Variants in ZFP14 observed in about 807,000 individuals in gnomAD.
ZFP14 encodes ZFP14 zinc finger protein.
ZFP14 carries 22 observed loss-of-function variants against 54.5 expected under a neutral mutation model. The observed-to-expected ratio is 0.40, with a 90% CI of 0.29 to 0.58. The LOEUF is 0.58. Ranked by LOEUF, ZFP14 falls within the 20% of genes least tolerant of loss-of-function variation. The pLI is 0.39. For synonymous variants in ZFP14, 159 were observed against 204.0 expected (o/e 0.78, Z 1.88); for missense variants, 470 against 637.8 (o/e 0.74, Z 2.83).
intron 4 of ZFP14, among the ~76,000 whole-genome samples, chr19:36,347,408 G>C (rs549078316): frequency 1.3e-3 from 198 of 152,012 alleles, no homozygotes; most frequent in Non-Finnish European, 2.2e-3. Context: ...TCAGGAGTTC[G>C]AGACCAGCCT....
At chr19:36,342,428 C>G (rs1249117399) in intron 4 of ZFP14, among the ~76,000 whole-genome samples, 2 of 151,992 alleles carry the variant, frequency 1.3e-5, no homozygotes, top group Non-Finnish European at 2.9e-5. Context: ...CTCAGGTGAT[C>G]CGCCCGCCTC....
intron 1 of ZFP14, among the ~76,000 whole-genome samples, chr19:36,376,927 C>T (rs964281894): frequency 6.6e-6 from 1 of 152,142 alleles, no homozygotes; most frequent in Admixed American, 6.5e-5. Flanking sequence ...TACTTTAGCT[C>T]CATAACCCAT....
At chr19:36,343,489 TC>T (rs1293317603) in intron 4 of ZFP14, among the ~76,000 whole-genome samples, 1 of 152,204 alleles carries the variant, frequency 6.6e-6, no homozygotes, top group Non-Finnish European at 1.5e-5. Flanking sequence ...GTTTTCATTC[TC>T]AGCCTCAAAT....
chr19:36,364,153 A>G (rs1333148062), intron 2 of ZFP14, among the ~76,000 whole-genome samples: 1 of 152,088 alleles, frequency 6.6e-6, no homozygotes, highest in Non-Finnish European at 1.5e-5. Context: ...ATCACATCCT[A>G]TTCACCCTGT....
intron 1 of ZFP14, among the ~76,000 whole-genome samples, chr19:36,372,120 G>A (rs2031889366): frequency 6.6e-6 from 1 of 150,564 alleles, no homozygotes. Flanking sequence ...AGGAAGAAAG[G>A]AAGGAAGGAA....
At chr19:36,344,902 C>T (rs865929399) in intron 4 of ZFP14, among the ~76,000 whole-genome samples, 3 of 152,164 alleles carry the variant, frequency 2.0e-5, no homozygotes, top group Non-Finnish European at 4.4e-5. Context: ...CTACTTTATA[C>T]CATATTATAA....
chr19:36,366,311 A>C (rs2031794327), intron 2 of ZFP14, among the ~76,000 whole-genome samples: 1 of 151,934 alleles, frequency 6.6e-6, no homozygotes, highest in Non-Finnish European at 1.5e-5. Context: ...CACTTGAACA[A>C]AGTTCTTGTT....
chr19:36,373,782 G>A lies in ZFP14; in HGVS notation c.-80+5381C>T, dbSNP rs538631558. 1.7e-4 allele frequency among the ~76,000 whole-genome samples: 26 copies of A among 151,336 alleles called. No homozygotes were observed. The South Asian group carries it at 2.5e-3, about 15-fold the overall frequency. On this transcript the variant is annotated intron_variant, in intron 1 of 4. Transcript: ENST00000270001. ...TTAAAAATTAGCCGGGCATGGTAGC[G>A]TGCACCTGTAGTCTCAGCTACCAGG...
Position 36,368,058 on chromosome 19 carries a change from CT to C in ZFP14, c.-79-88del, listed in dbSNP as rs1249576158. 9 of 690,368 alleles carry C rather than the reference CT, an allele frequency of 1.3e-5. No homozygotes were observed. The African/African-American group carries it at 1.6e-4, about 12-fold the overall frequency. 42.8% of individuals were successfully genotyped at this position (690,368 alleles called of 1,614,324 possible). A position where few individuals can be genotyped will look rare whatever the true frequency, so the allele number is the denominator to read the frequency against. ...ATCATAAATATGAAAACTTTTTTCT[CT>C]TCCATTCCTTCTCCCAAACTACTTC... On this transcript the variant is annotated intron_variant, in intron 1 of 4. Coordinates refer to ENST00000270001, the MANE Select transcript of ZFP14 (RefSeq NM_020917.3).
rs2031217657 is a variant in ZFP14 at position 36,337,121 on chromosome 19, C to G, written c.*3103G>C. On this transcript the variant is annotated 3_prime_UTR_variant, in exon 5 of 5. Coordinates refer to ENST00000270001, the MANE Select transcript of ZFP14 (RefSeq NM_020917.3). The stretch of plus-strand genomic sequence containing the variant: ...ATATTTAGTCCATGTCCACACTTCC[C>G]TCACTGTCTCCAAAATGGCTTTTTA... 1 of 152,132 alleles carries G rather than the reference C, an allele frequency of 6.6e-6. No homozygotes were observed. The highest frequency in any genetic ancestry group is 1.5e-5 in the Non-Finnish European group (1 of 68,032). The allele number at this position is 152,132 out of a possible 1,614,324, so 9.4% of individuals were successfully genotyped here. A position where few individuals can be genotyped will look rare whatever the true frequency, so the allele number is the denominator to read the frequency against.
At chr19:36,356,713 CATAA>C (rs1290289056) in intron 4 of ZFP14, among the ~76,000 whole-genome samples, 3 of 150,676 alleles carry the variant, frequency 2.0e-5, no homozygotes, top group Admixed American at 1.3e-4. Flanking sequence ...GCAAATATTA[CATAA>C]ATAAAGTCAT....
At chr19:36,352,311 AAATGT>A (rs2031541336) in intron 4 of ZFP14, among the ~76,000 whole-genome samples, 1 of 143,854 alleles carries the variant, frequency 7.0e-6, no homozygotes, top group Admixed American at 7.1e-5. Context: ...GAAGAAAAAT[AAATGT>A]ATGTATAATG....
At chr19:36,368,487 T>C (rs537359406) in intron 1 of ZFP14, among the ~76,000 whole-genome samples, 1 of 151,970 alleles carries the variant, frequency 6.6e-6, no homozygotes, top group African/African-American at 2.4e-5. Context: ...TCTGAAGAAA[T>C]AGGTGACAAA....
rs1391086400 is a variant in ZFP14 at position 36,355,879 on chromosome 19, G to A, written c.235+4556C>T. On this transcript the variant is annotated intron_variant, in intron 4 of 4. Coordinates refer to ENST00000270001, the MANE Select transcript of ZFP14 (RefSeq NM_020917.3). ...TGGTGTTTAAGCCACCCAGACTATG[G>A]TATTCTGTTACAGCAGCTTAAGATG... 1.4e-5 allele frequency among the ~76,000 whole-genome samples: 2 copies of A among 141,730 alleles called. 1 individual carries two copies. Among genetic ancestry groups the A allele is most frequent in the East Asian group, 4.2e-4 (2 of 4,790 alleles). 93.0% of individuals were successfully genotyped at this position (141,730 alleles called of 152,430 possible).
intron 2 of ZFP14, among the ~76,000 whole-genome samples, chr19:36,367,661 A>G (rs1034068297): frequency 4.6e-5 from 7 of 152,060 alleles, no homozygotes; most frequent in Admixed American, 6.6e-5. Flanking sequence ...ACAGGGTTTC[A>G]CCATGTTGGC....
intron 4 of ZFP14, among the ~76,000 whole-genome samples, chr19:36,358,485 C>G (rs948034892): frequency 5.9e-5 from 9 of 152,170 alleles, no homozygotes; most frequent in Admixed American, 4.6e-4. Flanking sequence ...TAGTTGTTGT[C>G]TTGATTCCTT....
Position 36,340,754 on chromosome 19 carries a change from G to C in ZFP14, c.1072C>G (p.His358Asp), listed in dbSNP as rs1185276639. 1 of 1,613,994 alleles carries C rather than the reference G, an allele frequency of 6.2e-7. No individual in the cohort carries two copies. Residue 358 changes from histidine to aspartate, a missense_variant, in exon 5 of 5, where the codon CAT becomes GAT. Transcript: ENST00000270001. The surrounding 1 kb of genome is among the most constrained non-coding windows in gnomAD (Gnocchi z 5.4). ...AFRICQQLTV[H>D]QSIHTGEKPY... Reference sequence around the variant, plus strand: ...TTCTCACCAGTATGAATACTCTGATGAACAGTAAGTTGTTGGCATATTCTA... The same window carrying C: ...TTCTCACCAGTATGAATACTCTGATCAACAGTAAGTTGTTGGCATATTCTA...
intron 4 of ZFP14, among the ~76,000 whole-genome samples, chr19:36,344,675 A>T (rs2031382438): frequency 6.6e-6 from 1 of 152,150 alleles, no homozygotes; most frequent in African/African-American, 2.4e-5. Flanking sequence ...GCCTCCTGTC[A>T]GATCAGCGGT....
At chr19:36,343,062 C>T (rs1209935135) in intron 4 of ZFP14, among the ~76,000 whole-genome samples, 1 of 152,124 alleles carries the variant, frequency 6.6e-6, no homozygotes, top group East Asian at 1.9e-4. Context: ...GAAAGCAAGT[C>T]AAATCAGTGA....
Sources: gnomAD v4.1 joint callset for allele counts (sites outside exome capture counted in the v4.1 genomes callset) on GRCh38, gnomAD v4.1.1 for gene constraint, Gnocchi (gnomAD v3.1) non-coding constraint, MANE v1.5 for transcripts, NCBI Gene and HGNC (gene_info 2026-07-23, HGNC 2026-07-21) for gene names.